Variants in CELF2 observed in about 807,000 individuals in gnomAD.
CELF2 encodes CUG triplet repeat RNA-binding protein 2.
Under a neutral mutation model 62.6 loss-of-function variants are expected in CELF2, and 8 were observed. That is an observed-to-expected ratio of 0.13 (90% CI 0.07 to 0.23). The LOEUF (loss-of-function observed/expected upper bound fraction) is 0.23, where lower values mean the gene tolerates loss of function less well. CELF2 is among the 10% of genes least tolerant of loss of function. CELF2 has a pLI of 1.00. For synonymous variants in CELF2, 258 were observed against 250.0 expected, an observed-to-expected ratio of 1.03 and a Z score of -0.30; for missense variants, 333 against 671.0, an observed-to-expected ratio of 0.50 and a Z score of 5.56.
the CELF2 span, among the ~76,000 whole-genome samples, chr10:10,658,070 C>A: frequency 6.6e-6 from 1 of 152,136 alleles, no homozygotes; most frequent in Non-Finnish European, 1.5e-5. Context: ...CCACACTTGG[C>A]CCATAAAACG....
the CELF2 span, among the ~76,000 whole-genome samples, chr10:10,620,359 C>T: frequency 6.8e-5 from 10 of 147,972 alleles, no homozygotes; most frequent in African/African-American, 2.0e-4. Context: ...AGGAGAATCG[C>T]TTGAACCCAG....
chr10:10,890,419 A>G (rs1028529545), intron 1 of CELF2, among the ~76,000 whole-genome samples: 8 of 152,212 alleles, frequency 5.3e-5, no homozygotes, highest in African/African-American at 1.9e-4. Context: ...TGGCAAAAAA[A>G]TGCTTTGTCA....
chr10:10,651,025 G>C, the CELF2 span, among the ~76,000 whole-genome samples: 1 of 152,066 alleles, frequency 6.6e-6, no homozygotes, highest in East Asian at 1.9e-4. Flanking sequence ...CACCGTGCGC[G>C]AGCCGAAGCA....
At chr10:10,547,473 G>A in the CELF2 span, among the ~76,000 whole-genome samples, 4 of 152,216 alleles carry the variant, frequency 2.6e-5, no homozygotes, top group South Asian at 6.2e-4. Flanking sequence ...AAAGCAAAGC[G>A]CACAAAAAGA....
rs183572420 is a variant in CELF2, at chr10:11,297,345, G to A, written c.976+8793G>A. 1.5e-3 allele frequency among the ~76,000 whole-genome samples: 232 copies of A among 152,262 alleles called. 1 individual carries two copies. The highest frequency in any genetic ancestry group is 5.3e-3 in the African/African-American group (222 of 41,556). On this transcript the variant is annotated intron_variant, in intron 9 of 12. Coordinates refer to ENST00000633077, the MANE Select transcript of CELF2 (RefSeq NM_001326342.2). This position sits in a 1 kb window ranked among gnomAD's most constrained non-coding sequence, Gnocchi z 4.4. ...TGAGACTGACCTGCAGAGGCCAGGCGGGCTGCCCTAAGCCCGGGGAGGGGT... is the reference window on the plus strand; with the variant it reads ...TGAGACTGACCTGCAGAGGCCAGGCAGGCTGCCCTAAGCCCGGGGAGGGGT...
the CELF2 span, among the ~76,000 whole-genome samples, chr10:10,748,919 A>G: frequency 2.6e-5 from 4 of 152,098 alleles, no homozygotes; most frequent in Admixed American, 6.6e-5. Flanking sequence ...AAAGGAAGCA[A>G]TAGGGTTTGC....
rs1415070698 is a variant in CELF2, at chr10:11,156,895, T to C, written c.75-8591T>C. Among the ~76,000 whole-genome samples, 1 of 152,122 alleles carries C rather than the reference T, an allele frequency of 6.6e-6. No homozygotes were observed. The highest frequency in any genetic ancestry group is 1.5e-5 in the Non-Finnish European group (1 of 68,012). On this transcript the variant is annotated intron_variant, in intron 1 of 12. Coordinates refer to ENST00000633077, the MANE Select transcript of CELF2 (RefSeq NM_001326342.2). This position sits in a 1 kb window ranked among gnomAD's most constrained non-coding sequence, Gnocchi z 4.3. Reference sequence around the variant, plus strand: ...CAGGGAAGATGAGCCTAAAAGCTGATTGGAGGAAAAGAAGACCGGAAGAGA... The same window carrying C: ...CAGGGAAGATGAGCCTAAAAGCTGACTGGAGGAAAAGAAGACCGGAAGAGA...
chr10:10,957,699 T>C lies in CELF2; in HGVS notation c.89+37700T>C, dbSNP rs1238798843. On this transcript the variant is annotated intron_variant, in intron 2 of 13. Transcript: ENST00000636488. This position sits in a 1 kb window ranked among gnomAD's most constrained non-coding sequence, Gnocchi z 4.1. Reference sequence around the variant, plus strand: ...GCCAAATTCTCCAGCTTCTCCTTGCTCACATGTCTTCAAAAGAGTTGGTAG... The same window carrying C: ...GCCAAATTCTCCAGCTTCTCCTTGCCCACATGTCTTCAAAAGAGTTGGTAG... Among the ~76,000 whole-genome samples, 1 of 152,192 alleles carries C rather than the reference T, an allele frequency of 6.6e-6. No homozygotes were observed. Among genetic ancestry groups the C allele is most frequent in the African/African-American group, 2.4e-5 (1 of 41,454 alleles).
Position 11,275,045 on chromosome 10 carries a change from G to A in CELF2, c.778-12G>A. On this transcript the variant is annotated splice_polypyrimidine_tract_variant and intron_variant, in intron 7 of 12. Coordinates refer to ENST00000633077, the MANE Select transcript of CELF2 (RefSeq NM_001326342.2). ...CACCGTCTCCACTTTGCCCTTGTGT[G>A]TTCATCCGCAGCTCCTGCAGCAGGC... 6.2e-7 allele frequency: 1 copy of A among 1,614,014 alleles called. No homozygotes were observed.
chr10:11,017,826 G>C (rs2057494601), upstream of CELF2: 1 of 440,166 alleles, frequency 2.3e-6, no homozygotes, highest in Non-Finnish European at 3.0e-6. This position sits in a 1 kb window ranked among gnomAD's most constrained non-coding sequence, Gnocchi z 5.5. Flanking sequence ...GCTCTGGGCC[G>C]GCGGGCCCGC....
intron 4 of CELF2, among the ~76,000 whole-genome samples, chr10:11,253,872 T>C (rs112180448): frequency 0.019 from 2,833 of 152,322 alleles, 48 homozygotes; most frequent in Non-Finnish European, 0.024. Context: ...CCTTATTCAG[T>C]GTCCGTCATG....
At chr10:10,495,168 C>T in the CELF2 span, among the ~76,000 whole-genome samples, 2 of 152,238 alleles carry the variant, frequency 1.3e-5, no homozygotes, top group South Asian at 4.1e-4. Context: ...GTAGTCCCAG[C>T]TACTCGGGAG....
chr10:10,566,165 A>G, the CELF2 span, among the ~76,000 whole-genome samples: 3 of 152,102 alleles, frequency 2.0e-5, no homozygotes, highest in Non-Finnish European at 2.9e-5. Flanking sequence ...AGGGATAAGC[A>G]TATTAGGTTT....
In CELF2 at chr10:11,273,715, G is replaced by GGTTTT. The variant is rs141599147; in HGVS notation, c.778-1342_778-1341insGTTTT. 1.2e-4 allele frequency among the ~76,000 whole-genome samples: 18 copies of GGTTTT among 150,512 alleles called. No homozygotes were observed. In the South Asian group the frequency reaches 2.1e-3, roughly 18 times the overall value. On this transcript the variant is annotated intron_variant, in intron 7 of 12. Transcript: ENST00000633077. ...GCCCCAAATAAATTCTGAAAGTTTT[G>GGTTTT]TTTTTTTGTTTTTTTGTTTTTTTTG...
At chr10:10,539,404 G>T in the CELF2 span, among the ~76,000 whole-genome samples, 2 of 152,208 alleles carry the variant, frequency 1.3e-5, no homozygotes, top group Non-Finnish European at 2.9e-5. Flanking sequence ...TAAACTTAGG[G>T]AGAATCTCAA....
the CELF2 span, among the ~76,000 whole-genome samples, chr10:10,738,979 T>C: frequency 6.6e-6 from 1 of 152,180 alleles, no homozygotes; most frequent in Non-Finnish European, 1.5e-5. Context: ...TATATGGGAA[T>C]TCTGTGTACT....
the CELF2 span, among the ~76,000 whole-genome samples, chr10:10,644,784 G>A: frequency 0.011 from 1,688 of 152,196 alleles, 24 homozygotes; most frequent in African/African-American, 0.038. Context: ...TGCACACAGC[G>A]GGCTCTTCTG....
the CELF2 span, among the ~76,000 whole-genome samples, chr10:10,574,576 A>T: frequency 6.6e-6 from 1 of 152,214 alleles, no homozygotes; most frequent in Non-Finnish European, 1.5e-5. Flanking sequence ...GGGTCTTCTC[A>T]TGAAAATAGT....
the CELF2 span, among the ~76,000 whole-genome samples, chr10:10,705,383 A>AAC: frequency 1.3e-5 from 2 of 148,430 alleles, no homozygotes; most frequent in Non-Finnish European, 1.5e-5. Context: ...AAAAAAAAAA[A>AAC]CCCTCAGGGT....
Sources: allele counts gnomAD v4.1 joint callset (sites outside exome capture counted in the v4.1 genomes callset), GRCh38; gene constraint gnomAD v4.1.1; non-coding constraint Gnocchi (gnomAD v3.1); transcripts MANE v1.5; gene names NCBI Gene and HGNC (gene_info 2026-07-23, HGNC 2026-07-21).